MSL1: variants seen among roughly 807,000 people sequenced by gnomAD.
The protein encoded by MSL1 is male-specific lethal 1 homolog.
MSL1 carries 21 observed loss-of-function variants against 64.6 expected under a neutral mutation model. That is an observed-to-expected ratio of 0.33 (90% CI 0.23 to 0.47). The LOEUF (loss-of-function observed/expected upper bound fraction) is 0.47, where lower values mean the gene tolerates loss of function less well. Ranked by LOEUF, MSL1 falls within the 20% of genes least tolerant of loss-of-function variation. MSL1 has a pLI of 1.00. For synonymous variants in MSL1, 339 were observed against 329.6 expected (o/e 1.03, Z -0.31); for missense variants, 664 against 793.2 (o/e 0.84, Z 1.96).
At position 40,135,353 on chromosome 17, in the gene MSL1, T is replaced by C. The variant is rs150107977; in HGVS notation, c.*984T>C. On this transcript the variant is annotated 3_prime_UTR_variant, in exon 9 of 9. Transcript: ENST00000398532. ...ATTCACTTTGTAAAAATAATTTGTA[T>C]GTGTACCATCTTGGTCCTCTCCCCT... 90 of 152,442 alleles carry C rather than the reference T, an allele frequency of 5.9e-4. No homozygotes were observed. The highest frequency in any genetic ancestry group is 3.4e-3 in the Middle Eastern group (1 of 294). 9.4% of individuals were successfully genotyped at this position (152,442 alleles called of 1,614,324 possible). A position where few individuals can be genotyped will look rare whatever the true frequency, so the allele number is the denominator to read the frequency against.
At chr17:40,132,999 T>C (rs1178524899) in intron 5 of MSL1, 43 bp from the exon 6 acceptor site, 1 of 1,558,584 alleles carries the variant, frequency 6.4e-7, no homozygotes, top group Non-Finnish European at 8.8e-7. Context: ...GTGTAACTAA[T>C]ATATGGTGAT....
In MSL1 at chr17:40,123,179, C is replaced by T. The variant is rs781415856; in HGVS notation, c.567C>T (p.Ala189=). 1 of 1,535,220 alleles carries T rather than the reference C, an allele frequency of 6.5e-7. No homozygotes were observed. Among genetic ancestry groups the T allele is most frequent in the East Asian group, 2.4e-5 (1 of 40,864 alleles). The change falls in exon 1 of 9, where the codon GCC becomes GCT. Residue 189 remains alanine (A), a synonymous_variant. Coordinates refer to ENST00000398532, the MANE Select transcript of MSL1 (RefSeq NM_001365919.1). The part of the protein sequence containing the change: ...GPPPLAPTAT[A]GTLAASEGRW... ...CACCCCTCGCGCCCACCGCCACCGC[C>T]GGGACCCTGGCGGCCAGCGAGGGCA...
In MSL1 at chr17:40,122,584, C is replaced by A. The variant is rs1278090349; in HGVS notation, c.-29C>A. Reference sequence around the variant, plus strand: ...GCCCCTTCCCCACCCCCTCCTCCGCCTCGGTGCCCGGCGCTGCTCCGGACC... The same window carrying A: ...GCCCCTTCCCCACCCCCTCCTCCGCATCGGTGCCCGGCGCTGCTCCGGACC... On this transcript the variant is annotated 5_prime_UTR_variant, in exon 1 of 9. Transcript: ENST00000398532. The surrounding 1 kb of genome is among the most constrained non-coding windows in gnomAD (Gnocchi z 4.2). 4.3e-6 allele frequency: 6 copies of A among 1,395,162 alleles called. No homozygotes were observed. The highest frequency in any genetic ancestry group is 5.6e-6 in the Non-Finnish European group (6 of 1,077,750). The allele number at this position is 1,395,162 out of a possible 1,614,324, so 86.4% of individuals were successfully genotyped here. A position where few individuals can be genotyped will look rare whatever the true frequency, so the allele number is the denominator to read the frequency against.
At chr17:40,128,337 T>G (rs1045450213) in intron 2 of MSL1, among the ~76,000 whole-genome samples, 1 of 151,384 alleles carries the variant, frequency 6.6e-6, no homozygotes, top group South Asian at 2.1e-4. Context: ...GTTGTAGTGG[T>G]ACATAATGTT....
At position 40,134,655 on chromosome 17, in the gene MSL1, T is replaced by G. The variant is rs1988506529; in HGVS notation, c.*286T>G. 2.5e-6 allele frequency: 1 copy of G among 405,496 alleles called. No homozygotes were observed. The highest frequency in any genetic ancestry group is 2.7e-5 in the South Asian group (1 of 36,720). The allele number at this position is 405,496 out of a possible 1,614,324, so 25.1% of individuals were successfully genotyped here. On this transcript the variant is annotated 3_prime_UTR_variant, in exon 9 of 9. Coordinates refer to ENST00000398532, the MANE Select transcript of MSL1 (RefSeq NM_001365919.1). ...GATTCAGAAGTTTCAGGGGTCTGTT[T>G]CTATACATTTGCCTATGTTAAAGGG... is the stretch of plus-strand genomic sequence containing the variant.
intron 1 of MSL1, among the ~76,000 whole-genome samples, chr17:40,124,061 A>G (rs1395746241): frequency 6.6e-6 from 1 of 152,164 alleles, no homozygotes; most frequent in African/African-American, 2.4e-5. Context: ...TATTAAATGT[A>G]TTAAATAGAC....
intron 1 of MSL1, chr17:40,124,649 G>A (rs570145508): frequency 1.3e-5 from 2 of 152,264 alleles, no homozygotes; most frequent in Non-Finnish European, 2.9e-5. Flanking sequence ...TGCAGTCTAG[G>A]GGTGTGATGG....
intron 2 of MSL1, among the ~76,000 whole-genome samples, chr17:40,128,366 A>ATTTTTTT (rs1403723890): frequency 6.1e-5 from 8 of 131,654 alleles, no homozygotes; most frequent in Non-Finnish European, 9.7e-5. Flanking sequence ...GACCTTGAAT[A>ATTTTTTT]TTCTTTTTTT....
intron 2 of MSL1, among the ~76,000 whole-genome samples, chr17:40,128,549 A>AT (rs1169931022): frequency 0.017 from 2,427 of 140,164 alleles, 33 homozygotes; most frequent in Non-Finnish European, 0.026. Context: ...TAATTTTTGT[A>AT]TTTTTTTTTT....
chr17:40,122,428 C>T lies in MSL1; in HGVS notation c.-185C>T, dbSNP rs1440973099. 2 of 396,924 alleles carry T rather than the reference C, an allele frequency of 5.0e-6. No homozygotes were observed. The highest frequency in any genetic ancestry group is 3.8e-5 in the East Asian group (1 of 26,080). The allele number at this position is 396,924 out of a possible 1,614,324, so 24.6% of individuals were successfully genotyped here. Reference sequence around the variant, plus strand: ...CGGCGGGCCTCAGCCGCGGCCTCCACGTCTCCGCACGCCGGCGGGATGGCG... The same window carrying T: ...CGGCGGGCCTCAGCCGCGGCCTCCATGTCTCCGCACGCCGGCGGGATGGCG... On this transcript the variant is annotated 5_prime_UTR_variant, in exon 1 of 9. It adds an upstream start codon to the 5' untranslated region. Transcript: ENST00000398532. This position sits in a 1 kb window ranked among gnomAD's most constrained non-coding sequence, Gnocchi z 4.2.
intron 1 of MSL1, among the ~76,000 whole-genome samples, chr17:40,125,105 G>T (rs557781098): frequency 6.6e-6 from 1 of 152,202 alleles, no homozygotes; most frequent in Non-Finnish European, 1.5e-5. Context: ...AGTATAAGTA[G>T]CACAACACCT....
chr17:40,130,573 T>G (rs1988419798), intron 3 of MSL1, among the ~76,000 whole-genome samples: 1 of 152,184 alleles, frequency 6.6e-6, no homozygotes, highest in Non-Finnish European at 1.5e-5. Context: ...CCTAGCAGGA[T>G]GGGGATAGAA....
intron 1 of MSL1, among the ~76,000 whole-genome samples, chr17:40,125,901 CG>C (rs1306676278): frequency 1.3e-5 from 2 of 152,246 alleles, no homozygotes; most frequent in African/African-American, 2.4e-5. Context: ...AGGCATGTTA[CG>C]GCCCTTCCCA....
rs1397135087 is a variant in MSL1, at chr17:40,122,402, G to A, written c.-211G>A. ...GCGGCGGCGAGGCCCCCATGGGCCG[G>A]CGGCGGGCCTCAGCCGCGGCCTCCA... On this transcript the variant is annotated 5_prime_UTR_variant, in exon 1 of 9. Transcript: ENST00000398532. The surrounding 1 kb of genome is among the most constrained non-coding windows in gnomAD (Gnocchi z 4.2). 3.0e-6 allele frequency: 1 copy of A among 338,302 alleles called. No homozygotes were observed. Among genetic ancestry groups the A allele is most frequent in the African/African-American group, 2.2e-5 (1 of 46,274 alleles). The allele number at this position is 338,302 out of a possible 1,614,324, so 21.0% of individuals were successfully genotyped here.
Position 40,135,907 on chromosome 17 carries a change from GCT to G in MSL1, c.*1543_*1544del, listed in dbSNP as rs751299384. 1 of 152,118 alleles carries G rather than the reference GCT, an allele frequency of 6.6e-6. No individual in the cohort carries two copies. The highest frequency in any genetic ancestry group is 1.5e-5 in the Non-Finnish European group (1 of 68,012). 9.4% of individuals were successfully genotyped at this position (152,118 alleles called of 1,614,324 possible). A position where few individuals can be genotyped will look rare whatever the true frequency, so the allele number is the denominator to read the frequency against. On this transcript the variant is annotated 3_prime_UTR_variant, in exon 9 of 9. Coordinates refer to ENST00000398532, the MANE Select transcript of MSL1 (RefSeq NM_001365919.1). Reference sequence around the variant, plus strand: ...TAACTCCATCTGCTTAGGAGAGTGGGCTCTCTATAAGGGAACCTGCTGTAAAC... The same window carrying G: ...TAACTCCATCTGCTTAGGAGAGTGGGCTCTATAAGGGAACCTGCTGTAAAC...
chr17:40,131,083 T>C lies in MSL1; in HGVS notation c.1376-454T>C, dbSNP rs1321380366. ...CTCAAGAGGAAGGCTCAATGGCTTG[T>C]TCTAGGGGAGCCAAAGTCTTTGTGC... is the stretch of plus-strand genomic sequence containing the variant. On this transcript the variant is annotated intron_variant, in intron 3 of 8. Transcript: ENST00000398532. The surrounding 1 kb of genome is among the most constrained non-coding windows in gnomAD (Gnocchi z 4.5). The C allele has an allele frequency of 6.3e-6, 1 of 158,276 alleles. No homozygotes were observed. The highest frequency in any genetic ancestry group is 2.4e-5 in the African/African-American group (1 of 41,452). 9.8% of individuals were successfully genotyped at this position (158,276 alleles called of 1,614,324 possible).
chr17:40,126,946 T>C (rs9900154), intron 2 of MSL1: 12,153 of 153,492 alleles, frequency 0.079, 1,138 homozygotes, highest in African/African-American at 0.22. Context: ...GAATGGGCAA[T>C]AAGTATGACA....
chr17:40,126,273 G>A lies in MSL1; in HGVS notation c.859G>A (p.Glu287Lys), dbSNP rs1438650385. Residue 287 changes from glutamate (E) to lysine (K), a missense_variant, in exon 2 of 9, where the codon GAA becomes AAA. By Grantham distance (56) the Glu-to-Lys change is moderately conservative (BLOSUM62 1). Coordinates refer to ENST00000398532, the MANE Select transcript of MSL1 (RefSeq NM_001365919.1). ...KERHKLFQGY[E>K]TEEREETELS... ...AAGGCACAAGCTGTTTCAGGGCTATGAAACTGAAGAGAGAGAGGAAACAGA... is the reference window on the plus strand; with the variant it reads ...AAGGCACAAGCTGTTTCAGGGCTATAAAACTGAAGAGAGAGAGGAAACAGA... 12 of 1,614,032 alleles carry A rather than the reference G, an allele frequency of 7.4e-6. No individual in the cohort carries two copies. The highest frequency in any genetic ancestry group is 6.7e-5 in the East Asian group (3 of 44,890).
intron 1 of MSL1, among the ~76,000 whole-genome samples, chr17:40,125,113 C>A (rs967715973): frequency 1.3e-5 from 2 of 152,158 alleles, no homozygotes; most frequent in African/African-American, 4.8e-5. Context: ...TAGCACAACA[C>A]CTTTTCTCAA....
Sources: gnomAD v4.1 joint callset for allele counts (sites outside exome capture counted in the v4.1 genomes callset) on GRCh38, gnomAD v4.1.1 for gene constraint, Gnocchi (gnomAD v3.1) non-coding constraint, MANE v1.5 for transcripts, NCBI Gene and HGNC (gene_info 2026-07-23, HGNC 2026-07-21) for gene names.